Variants in GOLGA4 observed in about 807,000 individuals in gnomAD.
The protein encoded by GOLGA4 is golgin subfamily A member 4.
Under a neutral mutation model 265.9 loss-of-function variants are expected in GOLGA4, and 169 were observed. The ratio of observed to expected loss-of-function variants is 0.64; its 90% confidence interval spans 0.56 to 0.72. The LOEUF is 0.72. Among genes scored for constraint, GOLGA4 ranks in the 30% least tolerant of loss-of-function variants. The pLI, the probability that GOLGA4 is intolerant of heterozygous loss-of-function variation, is 0.00. For synonymous variants in GOLGA4, 923 were observed against 855.8 expected (o/e 1.08, Z -1.37); for missense variants, 2,482 against 2,483.4 (o/e 1.00, Z 0.01).
intron 21 of GOLGA4, among the ~76,000 whole-genome samples, chr3:37,349,091 G>A (rs2097065471): frequency 6.6e-6 from 1 of 152,128 alleles, no homozygotes; most frequent in African/African-American, 2.4e-5. Flanking sequence ...CTCTAAAAAT[G>A]AAGAGTAGTC....
chr3:37,336,579 G>A (rs530800695), intron 17 of GOLGA4, among the ~76,000 whole-genome samples: 1 of 150,880 alleles, frequency 6.6e-6, no homozygotes, highest in African/African-American at 2.4e-5. Flanking sequence ...TGACCAACAT[G>A]GAGAAACCCC....
At position 37,338,778 on chromosome 3, in the gene GOLGA4, C is replaced by G. The variant is rs377071021; in HGVS notation, c.6396+1044C>G. 1.2e-4 allele frequency among the ~76,000 whole-genome samples: 18 copies of G among 152,094 alleles called. No homozygotes were observed. In the East Asian group the frequency reaches 3.5e-3, roughly 29 times the overall value. On this transcript the variant is annotated intron_variant, in intron 19 of 23. Transcript: ENST00000361924. ...CCCGTAACACCTAGCAACCACTAAT[C>G]TGCTTCCTGTCTCTATGGATTTGCC...
At chr3:37,357,254 C>G (rs980733890) in intron 22 of GOLGA4, among the ~76,000 whole-genome samples, 6 of 152,092 alleles carry the variant, frequency 3.9e-5, no homozygotes, top group Non-Finnish European at 7.4e-5. Context: ...TTCTACTTTT[C>G]TACTATTCCT....
intron 10 of GOLGA4, among the ~76,000 whole-genome samples, 190 bp downstream of exon 10, chr3:37,302,522 C>T (rs957928163): frequency 6.6e-6 from 1 of 152,220 alleles, no homozygotes; most frequent in African/African-American, 2.4e-5. Flanking sequence ...AGATCCAGCC[C>T]ACAGCCTATT....
chr3:37,329,045 A>AGAT lies in GOLGA4; in HGVS notation c.6151_6153dup (p.Asp2051dup), dbSNP rs1449067679. 1.2e-6 allele frequency: 2 copies of AGAT among 1,611,438 alleles called. No homozygotes were observed. The highest frequency in any genetic ancestry group is 2.2e-5 in the South Asian group (2 of 90,626). On this transcript the variant is annotated inframe_insertion, in exon 16 of 24. Transcript: ENST00000361924. ...AGTTACTTAAAAAAATTGCTGAGAA[A>AGAT]GATGATGATCTAAAACGAACAGCCA...
At chr3:37,337,903 A>G (rs1365674943) in intron 19 of GOLGA4, among the ~76,000 whole-genome samples, 169 bp downstream of exon 19, 2 of 152,210 alleles carry the variant, frequency 1.3e-5, no homozygotes, top group Non-Finnish European at 2.9e-5. Flanking sequence ...ATTCATGATC[A>G]TATATATTTA....
intron 20 of GOLGA4, among the ~76,000 whole-genome samples, chr3:37,344,925 T>C (rs1225046174): frequency 1.3e-5 from 2 of 152,164 alleles, no homozygotes; most frequent in South Asian, 2.1e-4. Context: ...CTGTCAGTAA[T>C]GTTTCTTGGC....
intron 5 of GOLGA4, among the ~76,000 whole-genome samples, chr3:37,289,624 ATAAAT>A (rs2096859806): frequency 6.6e-6 from 1 of 152,224 alleles, no homozygotes; most frequent in South Asian, 2.1e-4. Flanking sequence ...TTTTTATAAA[ATAAAT>A]TATGTTTACT....
At chr3:37,351,419 C>CTAA (rs886756258) in intron 21 of GOLGA4, among the ~76,000 whole-genome samples, 6 of 152,096 alleles carry the variant, frequency 3.9e-5, no homozygotes, top group Non-Finnish European at 8.8e-5. Flanking sequence ...CTTCCAAACC[C>CTAA]CTGTTAATGT....
In GOLGA4 at chr3:37,323,958, C is replaced by T. The variant is rs1303108690; in HGVS notation, c.2072C>T (p.Ser691Phe). Residue 691 changes from serine (S) to phenylalanine (F), a missense_variant, in exon 14 of 24, where the codon TCT (serine) becomes TTT (phenylalanine). Physicochemically the swap from Ser to Phe is radical, Grantham distance 155. Transcript: ENST00000361924. The stretch of plus-strand genomic sequence containing the variant: ...CAAACAGAACTAGAATCATTATCTT[C>T]TGAACTGTCAGAAGTATTAAAAGCC... ...VKQTELESLSSELSEVLKARH... is the reference protein window; with the variant it reads ...VKQTELESLSFELSEVLKARH... The T allele has an allele frequency of 3.1e-6, 5 of 1,613,452 alleles. No homozygotes were observed. In the South Asian group the frequency reaches 5.5e-5, roughly 18 times the overall value.
intron 16 of GOLGA4, among the ~76,000 whole-genome samples, chr3:37,330,072 T>G (rs1326801554): frequency 1.3e-5 from 2 of 152,128 alleles, no homozygotes; most frequent in African/African-American, 2.4e-5. Flanking sequence ...ATGAAAAGAT[T>G]TAAATAATTT....
chr3:37,287,114 GT>G (rs1258936146), intron 4 of GOLGA4, among the ~76,000 whole-genome samples: 67 of 152,364 alleles, frequency 4.4e-4, no homozygotes, highest in African/African-American at 1.6e-3. Context: ...GCCAAGGCGG[GT>G]GGATCACCTG....
In GOLGA4 at chr3:37,355,188, G is replaced by A; in HGVS notation, c.6663+1G>A. 1.3e-6 allele frequency: 2 copies of A among 1,529,964 alleles called. No homozygotes were observed. The highest frequency in any genetic ancestry group is 1.8e-6 in the Non-Finnish European group (2 of 1,103,618). The allele number at this position is 1,529,964 out of a possible 1,614,324, so 94.8% of individuals were successfully genotyped here. A position where few individuals can be genotyped will look rare whatever the true frequency, so the allele number is the denominator to read the frequency against. ...GGAAAGAGAAGATGCTCGGCTGATG[G>A]TAAGTTCTGGAAGTGGGCTCTAGAT... On this transcript the variant is annotated splice_donor_variant, in intron 22 of 23. Coordinates refer to ENST00000361924, the MANE Select transcript of GOLGA4 (RefSeq NM_002078.5). LOFTEE classifies it high-confidence loss of function.
At chr3:37,333,330 A>G (rs1376385200) in intron 16 of GOLGA4, among the ~76,000 whole-genome samples, 1 of 152,240 alleles carries the variant, frequency 6.6e-6, no homozygotes, top group East Asian at 1.9e-4. Flanking sequence ...TATATACATA[A>G]AGATTCAACT....
chr3:37,302,238 A>G lies in GOLGA4; in HGVS notation c.1140A>G (p.Lys380=). The G allele has an allele frequency of 6.2e-7, 1 of 1,613,224 alleles. No homozygotes were observed. The highest frequency in any genetic ancestry group is 1.1e-5 in the South Asian group (1 of 91,054). ...KRQMHETLEM[K]EEEIAQLRSR... is the part of the protein sequence containing the mutation. ...AGATGCATGAAACCCTGGAAATGAA[A>G]GAAGAAGAAATTGCTCAACTCCGTA... The change falls in exon 10 of 24, where the codon AAA becomes AAG. Residue 380 remains lysine, a synonymous_variant. Coordinates refer to ENST00000361924, the MANE Select transcript of GOLGA4 (RefSeq NM_002078.5).
At chr3:37,288,655 T>A (rs1199828304) in intron 4 of GOLGA4, among the ~76,000 whole-genome samples, 1 of 151,536 alleles carries the variant, frequency 6.6e-6, no homozygotes, top group Non-Finnish European at 1.5e-5. Context: ...TTTTTTTGTA[T>A]TTTTAGTAGA....
At chr3:37,287,807 A>G (rs146353491) in intron 4 of GOLGA4, among the ~76,000 whole-genome samples, 149 of 152,270 alleles carry the variant, frequency 9.8e-4, no homozygotes, top group African/African-American at 3.5e-3. Context: ...TGTTTTATTC[A>G]CTTACAAGTC....
Position 37,243,986 on chromosome 3 carries a change from G to A in GOLGA4, c.72+364G>A, listed in dbSNP as rs80102942. On this transcript the variant is annotated intron_variant, in intron 1 of 23. Transcript: ENST00000361924. Reference sequence around the variant, plus strand: ...ACCCCACGCTGGGAATGAGGGCGGGGTGGAAAAACCCGGGTCCCTTGTGAT... The same window carrying A: ...ACCCCACGCTGGGAATGAGGGCGGGATGGAAAAACCCGGGTCCCTTGTGAT... 9.6e-3 allele frequency: 2,237 copies of A among 233,910 alleles called. 46 individuals are homozygous for A. Among genetic ancestry groups the A allele is most frequent in the African/African-American group, 0.048 (2,119 of 43,874 alleles). The allele number at this position is 233,910 out of a possible 1,614,324, so 14.5% of individuals were successfully genotyped here. A position where few individuals can be genotyped will look rare whatever the true frequency, so the allele number is the denominator to read the frequency against.
In GOLGA4 at chr3:37,270,018, C is replaced by G. The variant is rs1184601341; in HGVS notation, c.163-11940C>G. On this transcript the variant is annotated intron_variant, in intron 2 of 23. Coordinates refer to ENST00000361924, the MANE Select transcript of GOLGA4 (RefSeq NM_002078.5). ...CAGTGATTCTCCTGCCTCAGGCTCC[C>G]AAGCAGCTGGTATTACAGGTGCTCG... 7.3e-5 allele frequency among the ~76,000 whole-genome samples: 11 copies of G among 150,250 alleles called. No individual in the cohort carries two copies. In the Admixed American group the frequency reaches 7.4e-4, roughly 10 times the overall value.
Sources: allele counts gnomAD v4.1 joint callset (sites outside exome capture counted in the v4.1 genomes callset), GRCh38; gene constraint gnomAD v4.1.1; transcripts MANE v1.5; gene names NCBI Gene and HGNC (gene_info 2026-07-23, HGNC 2026-07-21).